Variants in ITPR2 observed in about 807,000 individuals in gnomAD.
The protein encoded by ITPR2 is inositol 1,4,5-trisphosphate-gated calcium channel ITPR2.
In ITPR2, 207 loss-of-function variants were observed where a neutral mutation model predicts 317.1. The ratio of observed to expected loss-of-function variants is 0.65; its 90% CI spans 0.58 to 0.73. The LOEUF is 0.73. ITPR2 is among the 30% of genes least tolerant of loss of function. The pLI, the probability that ITPR2 is intolerant of heterozygous loss-of-function variation, is 0.00. For synonymous variants in ITPR2, 1,156 were observed against 1,149.1 expected (o/e 1.01, Z -0.12); for missense variants, 2,613 against 3,284.0 (o/e 0.80, Z 4.99).
intron 26 of ITPR2, among the ~76,000 whole-genome samples, chr12:26,620,461 C>T (rs1222349831): frequency 6.6e-6 from 1 of 152,194 alleles, no homozygotes; most frequent in African/African-American, 2.4e-5. Context: ...ACCAGACAGG[C>T]ATTTACAAAA....
At chr12:26,632,767 G>T (rs910823712) in intron 21 of ITPR2, among the ~76,000 whole-genome samples, 1 of 152,142 alleles carries the variant, frequency 6.6e-6, no homozygotes, top group Non-Finnish European at 1.5e-5. Context: ...GAGGGATCAC[G>T]CTCTTTCCGT....
intron 32 of ITPR2, among the ~76,000 whole-genome samples, chr12:26,588,367 T>A (rs532951529): frequency 6.6e-6 from 1 of 152,280 alleles, no homozygotes; most frequent in East Asian, 1.9e-4. Flanking sequence ...TAGAGTGGAA[T>A]TGACATCCTG....
chr12:26,385,784 C>A (rs949320952), intron 55 of ITPR2, among the ~76,000 whole-genome samples: 6 of 152,070 alleles, frequency 3.9e-5, no homozygotes, highest in Non-Finnish European at 7.4e-5. Context: ...CCTCCTCTCT[C>A]GGGCATATTG....
chr12:26,502,840 G>A (rs529272710), intron 37 of ITPR2, among the ~76,000 whole-genome samples: 7 of 152,286 alleles, frequency 4.6e-5, no homozygotes, highest in Admixed American at 1.3e-4. Flanking sequence ...AATGGGGAAA[G>A]TCATAACTAG....
At chr12:26,433,853 A>G (rs1183715529) in intron 48 of ITPR2, among the ~76,000 whole-genome samples, 25 of 152,204 alleles carry the variant, frequency 1.6e-4, no homozygotes, top group Admixed American at 1.6e-3. Context: ...CATGTTCTGT[A>G]CAGGAAACTA....
At chr12:26,360,633 A>C (rs1195260466) in intron 55 of ITPR2, among the ~76,000 whole-genome samples, 1 of 152,184 alleles carries the variant, frequency 6.6e-6, no homozygotes. Flanking sequence ...TGGATTTAAA[A>C]TTTATCACCA....
Position 26,602,604 on chromosome 12 carries a change from T to C in ITPR2, c.3552+13A>G. Reference sequence around the variant, plus strand: ...AATATAAACCTATATAAGAATATTTTGTATCTGCCGACCTCCTTTACAATC... The same window carrying C: ...AATATAAACCTATATAAGAATATTTCGTATCTGCCGACCTCCTTTACAATC... On this transcript the variant is annotated intron_variant, in intron 27 of 56. Coordinates refer to ENST00000381340, the MANE Select transcript of ITPR2 (RefSeq NM_002223.4). The C allele has an allele frequency of 6.3e-7, 1 of 1,597,484 alleles. No homozygotes were observed. Among genetic ancestry groups the C allele is most frequent in the Non-Finnish European group, 8.6e-7 (1 of 1,166,136 alleles).
intron 55 of ITPR2, among the ~76,000 whole-genome samples, chr12:26,379,791 A>G (rs1458043584): frequency 1.3e-5 from 2 of 152,202 alleles, no homozygotes; most frequent in Non-Finnish European, 2.9e-5. Flanking sequence ...GGGTACATTG[A>G]AGTACAGAGG....
At chr12:26,510,807 G>A (rs1943325359) in intron 37 of ITPR2, among the ~76,000 whole-genome samples, 2 of 152,188 alleles carry the variant, frequency 1.3e-5, no homozygotes, top group Admixed American at 1.3e-4. Context: ...ACCTAGCTTA[G>A]CAGCAAGAGT....
At chr12:26,770,413 C>T (rs1364031657) in intron 2 of ITPR2, among the ~76,000 whole-genome samples, 1 of 152,172 alleles carries the variant, frequency 6.6e-6, no homozygotes, top group East Asian at 1.9e-4. Flanking sequence ...TCCATCATCC[C>T]CTCCTCTCTG....
chr12:26,464,613 C>G (rs766980112), intron 45 of ITPR2, among the ~76,000 whole-genome samples: 2 of 152,244 alleles, frequency 1.3e-5, no homozygotes, highest in Non-Finnish European at 2.9e-5. Flanking sequence ...TACTTACTCT[C>G]TCACTCAATG....
At chr12:26,477,652 C>T (rs1450678950) in intron 43 of ITPR2, among the ~76,000 whole-genome samples, 1 of 152,032 alleles carries the variant, frequency 6.6e-6, no homozygotes, top group Non-Finnish European at 1.5e-5. Context: ...ATGAAAATAG[C>T]TTATGTTGTC....
chr12:26,646,773 A>C (rs1565662875), intron 21 of ITPR2, among the ~76,000 whole-genome samples: 1 of 152,124 alleles, frequency 6.6e-6, no homozygotes, highest in Non-Finnish European at 1.5e-5. Context: ...AAATCCTACA[A>C]ATAAATGGAA....
chr12:26,347,236 A>T (rs1938339123), intron 55 of ITPR2, among the ~76,000 whole-genome samples: 1 of 152,262 alleles, frequency 6.6e-6, no homozygotes, highest in South Asian at 2.1e-4. Flanking sequence ...TCTCCATAAC[A>T]GAATGAGATT....
At chr12:26,455,157 T>C (rs569037720) in intron 45 of ITPR2, among the ~76,000 whole-genome samples, 1 of 151,996 alleles carries the variant, frequency 6.6e-6, no homozygotes, top group Admixed American at 6.6e-5. Flanking sequence ...ATTAGCCAGA[T>C]GTAAAATCGG....
At chr12:26,563,967 T>C (rs1944884564) in intron 34 of ITPR2, among the ~76,000 whole-genome samples, 1 of 152,168 alleles carries the variant, frequency 6.6e-6, no homozygotes, top group Non-Finnish European at 1.5e-5. Context: ...CAGGGATGAC[T>C]CAAGGAAAAG....
At chr12:26,527,027 C>T (rs1450820913) in intron 37 of ITPR2, among the ~76,000 whole-genome samples, 1 of 152,154 alleles carries the variant, frequency 6.6e-6, no homozygotes, top group Non-Finnish European at 1.5e-5. Flanking sequence ...CAAACAGCCC[C>T]TAATGATCTA....
rs564667816 is a variant in ITPR2, at chr12:26,464,152, T to C, written c.6342+11144A>G. On this transcript the variant is annotated intron_variant, in intron 45 of 56. Coordinates refer to ENST00000381340, the MANE Select transcript of ITPR2 (RefSeq NM_002223.4). Reference sequence around the variant, plus strand: ...CAGGGATCAGTTTTGTGGAAAGCAATTTTTCCATGGACTGGGGCGTGGGGG... The same window carrying C: ...CAGGGATCAGTTTTGTGGAAAGCAACTTTTCCATGGACTGGGGCGTGGGGG... 3.3e-5 allele frequency among the ~76,000 whole-genome samples: 5 copies of C among 152,272 alleles called. No individual in the cohort carries two copies. The South Asian group carries it at 8.3e-4, about 25-fold the overall frequency.
intron 2 of ITPR2, among the ~76,000 whole-genome samples, chr12:26,774,966 G>C (rs1949932942): frequency 6.6e-6 from 1 of 152,190 alleles, no homozygotes; most frequent in Non-Finnish European, 1.5e-5. Context: ...TGGTTTCCCA[G>C]TGGCCCTGGC....
Sources: allele counts gnomAD v4.1 joint callset (sites outside exome capture counted in the v4.1 genomes callset), GRCh38; gene constraint gnomAD v4.1.1; transcripts MANE v1.5; gene names NCBI Gene and HGNC (gene_info 2026-07-23, HGNC 2026-07-21).